Variants in NEGR1 observed in about 807,000 individuals in gnomAD.
NEGR1 encodes the protein IgLON family member 4.
A neutral mutation model predicts 40.9 loss-of-function variants in NEGR1; 10 were observed. That is an observed-to-expected ratio of 0.24 (90% CI 0.15 to 0.42). The LOEUF (loss-of-function observed/expected upper bound fraction) is 0.42, where lower values mean the gene tolerates loss of function less well. NEGR1 is among the 10% of genes least tolerant of loss of function. The probability of loss-of-function intolerance (pLI) is 1.00; values close to 1 mark genes in which losing one functional copy is unlikely to be tolerated. For missense variants in NEGR1, 352 were observed against 438.9 expected (o/e 0.80, Z 1.77); for synonymous variants, 185 against 166.8 (o/e 1.11, Z -0.84).
chr1:71,914,022 CA>C (rs1385427277), intron 2 of NEGR1, among the ~76,000 whole-genome samples: 1 of 152,104 alleles, frequency 6.6e-6, no homozygotes, highest in Non-Finnish European at 1.5e-5. Context: ...AAATTTAAAA[CA>C]AAGACATTCT....
intron 2 of NEGR1, among the ~76,000 whole-genome samples, chr1:71,883,146 T>A (rs1660627001): frequency 2.0e-5 from 3 of 152,186 alleles, no homozygotes; most frequent in Admixed American, 1.3e-4. Context: ...TTGTAAATTA[T>A]ACACATTAGC....
At chr1:72,222,516 A>G (rs1654046701) in intron 1 of NEGR1, among the ~76,000 whole-genome samples, 1 of 152,158 alleles carries the variant, frequency 6.6e-6, no homozygotes, top group African/African-American at 2.4e-5. Context: ...AGTAACCAGT[A>G]ACCAATCATA....
intron 2 of NEGR1, among the ~76,000 whole-genome samples, chr1:71,929,060 A>T (rs912689766): frequency 6.6e-6 from 1 of 152,130 alleles, no homozygotes; most frequent in African/African-American, 2.4e-5. Flanking sequence ...AATTATAGAG[A>T]GCAAATAATA....
At chr1:72,256,455 G>A (rs1339853804) in intron 1 of NEGR1, among the ~76,000 whole-genome samples, 1 of 152,142 alleles carries the variant, frequency 6.6e-6, no homozygotes, top group African/African-American at 2.4e-5. Context: ...TTGTTTATTT[G>A]TGTATCAAGT....
chr1:71,989,029 C>T (rs112932205), intron 1 of NEGR1, among the ~76,000 whole-genome samples: 266 of 151,216 alleles, frequency 1.8e-3, no homozygotes, highest in African/African-American at 6.1e-3. Context: ...AGTTGTTTCA[C>T]CTCAAGCATA....
intron 1 of NEGR1, chr1:72,274,983 A>C (rs1247080956): frequency 6.5e-7 from 1 of 1,532,846 alleles, no homozygotes; most frequent in Non-Finnish European, 9.0e-7. Context: ...ACATTGCCAT[A>C]GTTAGTACGA....
In NEGR1 at chr1:71,403,994, T is replaced by C. The variant is rs1370280561; in HGVS notation, c.*3452A>G. 7 of 349,254 alleles carry C rather than the reference T, an allele frequency of 2.0e-5. No individual in the cohort carries two copies. The highest frequency in any genetic ancestry group is 4.8e-5 in the Admixed American group (1 of 20,760). 21.6% of individuals were successfully genotyped at this position (349,254 alleles called of 1,614,324 possible). On this transcript the variant is annotated 3_prime_UTR_variant, in exon 7 of 7. Coordinates refer to ENST00000357731, the MANE Select transcript of NEGR1 (RefSeq NM_173808.3). The stretch of plus-strand genomic sequence containing the variant: ...ATCATTTCTGGATTTCAAAAAACAA[T>C]TTTTATTGAAAAGATTAAATAGGTA...
chr1:71,437,981 A>G (rs574556134), intron 6 of NEGR1, among the ~76,000 whole-genome samples: 1 of 152,186 alleles, frequency 6.6e-6, no homozygotes, highest in South Asian at 2.1e-4. Context: ...TTCTAGAGAG[A>G]TTTTCTCACA....
intron 1 of NEGR1, among the ~76,000 whole-genome samples, chr1:72,252,147 C>T (rs1016561549): frequency 1.3e-5 from 2 of 151,486 alleles, no homozygotes; most frequent in Non-Finnish European, 2.9e-5. Context: ...CTCTTGTTTT[C>T]CAGGCTGGAG....
intron 1 of NEGR1, among the ~76,000 whole-genome samples, chr1:72,126,561 T>C (rs1223561870): frequency 6.6e-6 from 1 of 152,164 alleles, no homozygotes; most frequent in Non-Finnish European, 1.5e-5. Flanking sequence ...TCTACCTTCT[T>C]GGTTACTAAG....
chr1:71,409,365 C>T (rs2101259755), intron 6 of NEGR1, among the ~76,000 whole-genome samples: 1 of 151,862 alleles, frequency 6.6e-6, no homozygotes, highest in African/African-American at 2.4e-5. Context: ...ATATGTAAAG[C>T]ATATAAATGG....
intron 5 of NEGR1, among the ~76,000 whole-genome samples, chr1:71,609,494 G>A (rs891986634): frequency 2.4e-4 from 19 of 80,772 alleles, no homozygotes; most frequent in African/African-American, 7.0e-4. Context: ...CAGCCTGGGC[G>A]ACAAACCAAG....
intron 1 of NEGR1, among the ~76,000 whole-genome samples, chr1:72,191,023 T>C (rs1652801430): frequency 6.6e-6 from 1 of 151,518 alleles, no homozygotes; most frequent in Non-Finnish European, 1.5e-5. Flanking sequence ...CTTAATTTTA[T>C]AGTTTTTTTT....
At chr1:71,817,645 G>A (rs570669897) in intron 2 of NEGR1, among the ~76,000 whole-genome samples, 20 of 152,126 alleles carry the variant, frequency 1.3e-4, no homozygotes, top group African/African-American at 4.8e-4. Flanking sequence ...TAGTAAGGAG[G>A]AACACAGACT....
intron 1 of NEGR1, among the ~76,000 whole-genome samples, chr1:72,170,906 A>G (rs1651939372): frequency 1.3e-5 from 2 of 152,094 alleles, no homozygotes; most frequent in African/African-American, 4.8e-5. Flanking sequence ...TTTGTTCTCA[A>G]TGTTTTAGTT....
At chr1:71,903,171 T>C (rs1661185852) in intron 2 of NEGR1, among the ~76,000 whole-genome samples, 1 of 152,036 alleles carries the variant, frequency 6.6e-6, no homozygotes, top group Admixed American at 6.6e-5. Context: ...TCCATTATTA[T>C]AACTCAAGCT....
At chr1:71,583,164 C>T (rs1047463697) in intron 6 of NEGR1, among the ~76,000 whole-genome samples, 3 of 151,766 alleles carry the variant, frequency 2.0e-5, no homozygotes, top group African/African-American at 7.3e-5. Flanking sequence ...AGGTGAGAGC[C>T]TATCACTAAT....
intron 1 of NEGR1, among the ~76,000 whole-genome samples, chr1:71,954,066 A>C (rs1012570061): frequency 1.3e-5 from 2 of 152,004 alleles, no homozygotes; most frequent in Non-Finnish European, 2.9e-5. Context: ...AGAATTTGTA[A>C]AATTAGCTGG....
At chr1:71,999,678 T>C (rs182140367) in intron 1 of NEGR1, among the ~76,000 whole-genome samples, 1,787 of 49,434 alleles carry the variant, frequency 0.036, 92 homozygotes, top group Non-Finnish European at 0.048. Context: ...TATATATATA[T>C]ACATACATAT....
Sources: gnomAD v4.1 joint callset for allele counts (sites outside exome capture counted in the v4.1 genomes callset) on GRCh38, gnomAD v4.1.1 for gene constraint, MANE v1.5 for transcripts, NCBI Gene and HGNC (gene_info 2026-07-23, HGNC 2026-07-21) for gene names.